Variants in RNF169 observed in about 807,000 individuals in gnomAD.
RNF169 encodes the protein ring finger protein 169.
In RNF169, 24 loss-of-function variants were observed where a neutral mutation model predicts 53.9. The ratio of observed to expected loss-of-function variants is 0.45; its 90% confidence interval spans 0.32 to 0.63. The LOEUF is 0.63. Among genes scored for constraint, RNF169 ranks in the 20% least tolerant of loss-of-function variants. RNF169 has a pLI of 0.04. For synonymous variants in RNF169, 396 were observed against 363.5 expected (o/e 1.09, Z -1.02); for missense variants, 883 against 906.2 (o/e 0.97, Z 0.33).
chr11:74,748,863 C>T lies in RNF169; in HGVS notation c.-18C>T, dbSNP rs2034833460. On this transcript the variant is annotated 5_prime_UTR_variant, in exon 1 of 6. Coordinates refer to ENST00000299563, the MANE Select transcript of RNF169 (RefSeq NM_001098638.2). ...TCTTCTCCCTCGCAACCGACTCTCC[C>T]TTCAAACGGGAAACAAGATGGCGGC... is the stretch of plus-strand genomic sequence containing the variant. The T allele has an allele frequency of 1.0e-5, 14 of 1,399,480 alleles. No homozygotes were observed. Among genetic ancestry groups the T allele is most frequent in the Non-Finnish European group, 1.2e-5 (13 of 1,065,266 alleles). The allele number at this position is 1,399,480 out of a possible 1,614,324, so 86.7% of individuals were successfully genotyped here.
At chr11:74,823,716 G>T (rs866203201) in intron 4 of RNF169, among the ~76,000 whole-genome samples, 1 of 142,540 alleles carries the variant, frequency 7.0e-6, no homozygotes, top group Admixed American at 7.3e-5. Flanking sequence ...CAGCCTAGGC[G>T]ATAGAGTGAG....
intron 1 of RNF169, among the ~76,000 whole-genome samples, chr11:74,765,068 A>G (rs1313746050): frequency 6.6e-6 from 1 of 152,030 alleles, no homozygotes; most frequent in Non-Finnish European, 1.5e-5. Context: ...AGTTAGCCAG[A>G]TGTGGTGGTG....
chr11:74,749,719 T>A (rs2034857149), intron 1 of RNF169, among the ~76,000 whole-genome samples: 1 of 151,856 alleles, frequency 6.6e-6, no homozygotes, highest in Non-Finnish European at 1.5e-5. Context: ...AGTGCTTGGT[T>A]TAATGTTGGA....
At chr11:74,779,555 CAGA>C (rs1300846208) in intron 1 of RNF169, among the ~76,000 whole-genome samples, 2 of 152,090 alleles carry the variant, frequency 1.3e-5, no homozygotes, top group Non-Finnish European at 1.5e-5. Context: ...CTTGGAGAAT[CAGA>C]AGGAGTAAAC....
At chr11:74,784,947 T>TATGC (rs1289278042) in intron 1 of RNF169, among the ~76,000 whole-genome samples, 1 of 152,134 alleles carries the variant, frequency 6.6e-6, no homozygotes, top group Non-Finnish European at 1.5e-5. Context: ...CACTTGTGCA[T>TATGC]ATGCATGCAT....
chr11:74,788,116 C>G (rs1430495473), intron 1 of RNF169, among the ~76,000 whole-genome samples: 1 of 152,068 alleles, frequency 6.6e-6, no homozygotes, highest in South Asian at 2.1e-4. Context: ...AAAATTACCA[C>G]CTTGGTAGGT....
At chr11:74,817,977 G>C (rs565404276) in intron 4 of RNF169, among the ~76,000 whole-genome samples, 2 of 152,096 alleles carry the variant, frequency 1.3e-5, no homozygotes, top group African/African-American at 4.8e-5. Flanking sequence ...CTTTTATCTT[G>C]GGAGGAAACA....
At chr11:74,786,244 CT>C (rs140407738) in intron 1 of RNF169, among the ~76,000 whole-genome samples, 4,088 of 131,290 alleles carry the variant, frequency 0.031, 160 homozygotes, top group African/African-American at 0.096. Flanking sequence ...TGGCCTGTTT[CT>C]TTTTTTTTTT....
chr11:74,814,813 T>G (rs1479244786), intron 3 of RNF169, among the ~76,000 whole-genome samples: 2 of 152,238 alleles, frequency 1.3e-5, no homozygotes, highest in African/African-American at 4.8e-5. Context: ...ACCATTGTGA[T>G]GGAATCCATT....
At chr11:74,763,021 A>T (rs1202241713) in intron 1 of RNF169, among the ~76,000 whole-genome samples, 1 of 152,218 alleles carries the variant, frequency 6.6e-6, no homozygotes, top group Non-Finnish European at 1.5e-5. Flanking sequence ...AGGGTGGGCT[A>T]GAAAAAGAAA....
chr11:74,806,301 T>TAC (rs1161208003), intron 2 of RNF169, among the ~76,000 whole-genome samples: 1 of 152,216 alleles, frequency 6.6e-6, no homozygotes, highest in African/African-American at 2.4e-5. Context: ...TGCCAATATA[T>TAC]ACACATTGAA....
chr11:74,749,181 C>G lies in RNF169; in HGVS notation c.301C>G (p.Pro101Ala). The G allele has an allele frequency of 8.3e-7, 1 of 1,199,230 alleles. No individual in the cohort carries two copies. Among genetic ancestry groups the G allele is most frequent in the Non-Finnish European group, 1.0e-6 (1 of 969,154 alleles). 74.3% of individuals were successfully genotyped at this position (1,199,230 alleles called of 1,614,324 possible). ...CAQRAADAAGPGCPRCRARGP... is the reference protein window; with the variant it reads ...CAQRAADAAGAGCPRCRARGP... ...CCAACGCGCCGCCGACGCGGCGGGC[C>G]CGGGTTGCCCTCGCTGCCGCGCCCG... The change falls in exon 1 of 6, where the codon CCG becomes GCG. Residue 101 changes from proline (P) to alanine (A), a missense_variant. Around this residue, in one of 3 missense-constraint regions of RNF169, gnomAD observed 313 missense variants for 279.9 expected, o/e 1.12. Coordinates refer to ENST00000299563, the MANE Select transcript of RNF169 (RefSeq NM_001098638.2).
chr11:74,833,659 G>A (rs1004236034), intron 4 of RNF169, among the ~76,000 whole-genome samples: 1 of 152,114 alleles, frequency 6.6e-6, no homozygotes, highest in Non-Finnish European at 1.5e-5. Flanking sequence ...CTCAGTGCCT[G>A]GATAATGGCC....
chr11:74,833,921 T>TA (rs889921426), intron 4 of RNF169, among the ~76,000 whole-genome samples: 5 of 152,116 alleles, frequency 3.3e-5, no homozygotes, highest in African/African-American at 1.2e-4. Context: ...CATTTTGAGT[T>TA]AAAAAATTTA....
chr11:74,810,459 A>C lies in RNF169; in HGVS notation c.723+129A>C, dbSNP rs984725702. The C allele has an allele frequency of 3.6e-6, 3 of 843,646 alleles. No individual in the cohort carries two copies. In the Admixed American group the frequency reaches 6.8e-5, roughly 19 times the overall value. 52.3% of individuals were successfully genotyped at this position (843,646 alleles called of 1,614,324 possible). A position where few individuals can be genotyped will look rare whatever the true frequency, so the allele number is the denominator to read the frequency against. ...ACAGTCAGTGACTGTGCAGCTTAAG[A>C]GTAGTGAAGAACTTACGTCCAGGCC... On this transcript the variant is annotated intron_variant, in intron 3 of 5. Transcript: ENST00000299563.
intron 1 of RNF169, among the ~76,000 whole-genome samples, chr11:74,767,353 CATTT>C (rs1339469237): frequency 6.6e-6 from 1 of 151,968 alleles, no homozygotes; most frequent in Non-Finnish European, 1.5e-5. Flanking sequence ...CAAAATTTAT[CATTT>C]ATTATTTAAA....
intron 1 of RNF169, among the ~76,000 whole-genome samples, chr11:74,758,080 A>G (rs1381666804): frequency 2.5e-4 from 16 of 65,130 alleles, no homozygotes; most frequent in African/African-American, 1.1e-3. Context: ...GCCCACGCCT[A>G]TGTCCTGAAT....
chr11:74,789,425 A>C (rs2035550188), intron 1 of RNF169, among the ~76,000 whole-genome samples: 1 of 152,234 alleles, frequency 6.6e-6, no homozygotes, highest in Non-Finnish European at 1.5e-5. Flanking sequence ...CCAAATATAC[A>C]TTGAGGGTAT....
At chr11:74,828,813 C>T (rs1252701379) in intron 4 of RNF169, among the ~76,000 whole-genome samples, 1 of 152,106 alleles carries the variant, frequency 6.6e-6, no homozygotes, top group African/African-American at 2.4e-5. Context: ...TGGACCCCTT[C>T]CTTACACCAT....
Sources: gnomAD v4.1 joint callset for allele counts (sites outside exome capture counted in the v4.1 genomes callset) on GRCh38, gnomAD v4.1.1 for gene constraint, gnomAD v4.1.1 regional missense constraint, MANE v1.5 for transcripts, NCBI Gene and HGNC (gene_info 2026-07-23, HGNC 2026-07-21) for gene names.